The following EPB41L3 variants were observed in gnomAD, a reference collection of about 807,000 sequenced individuals.
EPB41L3 encodes the protein band 4.1-like protein 3.
EPB41L3 carries 57 observed loss-of-function variants against 127.1 expected under a neutral mutation model. That is an observed-to-expected ratio of 0.45 (90% CI 0.36 to 0.56). The LOEUF (loss-of-function observed/expected upper bound fraction) is 0.56. Among genes scored for constraint, EPB41L3 ranks in the 20% least tolerant of loss-of-function variants. EPB41L3 has a pLI of 0.00. For synonymous variants in EPB41L3, 572 were observed against 549.5 expected (o/e 1.04, Z -0.57); for missense variants, 1,273 against 1,372.2 (o/e 0.93, Z 1.14).
Position 5,433,164 on chromosome 18 carries a change from T to C in EPB41L3, c.912+305A>G, listed in dbSNP as rs541572180. Among the ~76,000 whole-genome samples the C allele has an allele frequency of 6.8e-4, 103 of 152,204 alleles. 1 individual carries two copies. Among genetic ancestry groups the C allele is most frequent in the African/African-American group, 2.4e-3 (99 of 41,522 alleles). ...ATGGGGAGGCAGGGTGAAGTAAAAGTCTGTTATGTCAAGGTAGGTTTCTAA... is the reference window on the plus strand; with the variant it reads ...ATGGGGAGGCAGGGTGAAGTAAAAGCCTGTTATGTCAAGGTAGGTTTCTAA... On this transcript the variant is annotated intron_variant, in intron 8 of 22. Transcript: ENST00000341928.
At chr18:5,508,543 G>A (rs1026657123) in intron 1 of EPB41L3, among the ~76,000 whole-genome samples, 2 of 151,972 alleles carry the variant, frequency 1.3e-5, no homozygotes, top group African/African-American at 4.8e-5. Context: ...CGAGGTGGGT[G>A]GATCACAAGG....
Position 5,540,312 on chromosome 18 carries a change from T to C in EPB41L3, c.-12+3601A>G, listed in dbSNP as rs1054373764. ...TTTTCCCATGCAGTCTTATATTCAT[T>C]TACACCTTTCAATTCTCCAAACAAT... On this transcript the variant is annotated intron_variant, in intron 1 of 22. Coordinates refer to ENST00000341928, the MANE Select transcript of EPB41L3 (RefSeq NM_012307.5). The C allele has an allele frequency of 1.5e-5, 15 of 977,798 alleles. No homozygotes were observed. In the African/African-American group the frequency reaches 2.6e-4, roughly 17 times the overall value. The allele number at this position is 977,798 out of a possible 1,614,324, so 60.6% of individuals were successfully genotyped here.
At position 5,407,192 on chromosome 18, in the gene EPB41L3, A is replaced by G. The variant is rs560096641; in HGVS notation, c.2158-224T>C. 6 of 546,602 alleles carry G rather than the reference A, an allele frequency of 1.1e-5. No homozygotes were observed. The South Asian group carries it at 1.5e-4, about 14-fold the overall frequency. The allele number at this position is 546,602 out of a possible 1,614,324, so 33.9% of individuals were successfully genotyped here. On this transcript the variant is annotated intron_variant, in intron 15 of 22. Coordinates refer to ENST00000341928, the MANE Select transcript of EPB41L3 (RefSeq NM_012307.5). ...CTAGTTCACACAAACATGGATACCA[A>G]AAGAATTTTAGAAGGCAAACTATAA...
At position 5,396,309 on chromosome 18, in the gene EPB41L3, G is replaced by T; in HGVS notation, c.2865C>A (p.Thr955=). 1 of 1,614,158 alleles carries T rather than the reference G, an allele frequency of 6.2e-7. No homozygotes were observed. The highest frequency in any genetic ancestry group is 8.5e-7 in the Non-Finnish European group (1 of 1,180,038). Residue 955 remains threonine, a synonymous_variant, in exon 19 of 23, where the codon ACC becomes ACA. Coordinates refer to ENST00000341928, the MANE Select transcript of EPB41L3 (RefSeq NM_012307.5). ...CCGGTGAAACACTGCCAAAACTGAT[G>T]GTTTCCGTCTTCACCGTTGAGGACT... ...HFESSTVKTE[T]ISFGSVSPGG...
chr18:5,397,946 C>T lies in EPB41L3; in HGVS notation c.2472+75G>A. ...AAAGCCAGCTGGATGCAACCACACA[C>T]TCACGCCCAAAAAAAGGGTAAGGAA... On this transcript the variant is annotated intron_variant, in intron 17 of 22. Transcript: ENST00000341928. This position sits in a 1 kb window ranked among gnomAD's most constrained non-coding sequence, Gnocchi z 4.1. 1 of 1,593,434 alleles carries T rather than the reference C, an allele frequency of 6.3e-7. No individual in the cohort carries two copies. Among genetic ancestry groups the T allele is most frequent in the South Asian group, 1.1e-5 (1 of 89,028 alleles).
intron 3 of EPB41L3, among the ~76,000 whole-genome samples, chr18:5,569,532 T>A (rs1294064182): frequency 1.3e-5 from 2 of 152,112 alleles, no homozygotes; most frequent in Non-Finnish European, 2.9e-5. Flanking sequence ...ATGAGAAAGG[T>A]ACAAATTCAT....
At chr18:5,417,434 G>T (rs1229156427) in intron 12 of EPB41L3, among the ~76,000 whole-genome samples, 1 of 152,130 alleles carries the variant, frequency 6.6e-6, no homozygotes. Flanking sequence ...GGGGAGGAAG[G>T]AAAGCACGCA....
intron 1 of EPB41L3, among the ~76,000 whole-genome samples, chr18:5,514,947 T>C (rs2092693507): frequency 6.6e-6 from 1 of 152,194 alleles, no homozygotes; most frequent in Admixed American, 6.5e-5. Flanking sequence ...TAAAACACAA[T>C]TCTGACCTAT....
chr18:5,544,445 TTGG>T (rs1373799700), upstream of EPB41L3: 3 of 443,976 alleles, frequency 6.8e-6, no homozygotes, highest in Non-Finnish European at 8.9e-6. Flanking sequence ...TAAAATCAAG[TTGG>T]TGGTGTCTTC....
At chr18:5,406,248 CTT>C (rs1379383740) in intron 16 of EPB41L3, among the ~76,000 whole-genome samples, 1 of 151,908 alleles carries the variant, frequency 6.6e-6, no homozygotes, top group African/African-American at 2.4e-5. Context: ...AAGACACTGT[CTT>C]AAAAACAAAA....
At position 5,416,050 on chromosome 18, in the gene EPB41L3, G is replaced by A. The variant is rs2076769229; in HGVS notation, c.1835C>T (p.Ser612Phe). ...DDGYLSFPNL[S>F]ETNLLPQSLQ... ...GCTCTGGGGCAGGAGGTTGGTTTCA[G>A]AAAGGTTGGGGAAAGAGAGGTATCC... The change falls in exon 13 of 23, where the codon TCT (serine) becomes TTT (phenylalanine). Residue 612 changes from serine to phenylalanine, a missense_variant. Ser to Phe is a radical substitution (Grantham distance 155). Transcript: ENST00000341928. The A allele has an allele frequency of 6.2e-7, 1 of 1,613,778 alleles. No individual in the cohort carries two copies. Among genetic ancestry groups the A allele is most frequent in the African/African-American group, 1.3e-5 (1 of 74,914 alleles).
At chr18:5,500,215 G>A (rs551067821) in intron 1 of EPB41L3, among the ~76,000 whole-genome samples, 2 of 152,238 alleles carry the variant, frequency 1.3e-5, no homozygotes, top group South Asian at 2.1e-4. Context: ...AAAGAGGAGA[G>A]AGAAAAAGGT....
In EPB41L3 at chr18:5,428,293, G is replaced by A. The variant is rs1253220985; in HGVS notation, c.1065+20C>T. The stretch of plus-strand genomic sequence containing the variant: ...AGGGATCTTTCCTCCCAACGCACAG[G>A]CAAATGTGGGTATACTTACCTCTCC... On this transcript the variant is annotated intron_variant, in intron 9 of 22. Transcript: ENST00000341928. The A allele has an allele frequency of 6.2e-7, 1 of 1,613,246 alleles. No homozygotes were observed. The highest frequency in any genetic ancestry group is 1.3e-5 in the African/African-American group (1 of 74,998).
chr18:5,607,399 CAGTCG>C (rs1298488783), intron 3 of EPB41L3, among the ~76,000 whole-genome samples: 1 of 152,180 alleles, frequency 6.6e-6, no homozygotes, highest in Non-Finnish European at 1.5e-5. Context: ...CTACACTTGA[CAGTCG>C]AGTTCCTTGA....
chr18:5,412,262 A>C (rs903327723), intron 13 of EPB41L3, among the ~76,000 whole-genome samples: 29 of 151,934 alleles, frequency 1.9e-4, no homozygotes, highest in African/African-American at 6.8e-4. Context: ...CAGTAGCACA[A>C]TCTTGGCTCA....
chr18:5,489,986 C>T (rs2090395289), intron 1 of EPB41L3, among the ~76,000 whole-genome samples: 1 of 152,218 alleles, frequency 6.6e-6, no homozygotes, highest in African/African-American at 2.4e-5. Context: ...TGAACATCTT[C>T]CCAAAGATTG....
chr18:5,590,747 T>A lies in EPB41L3; in HGVS notation c.-306+21593A>T, dbSNP rs546907405. Among the ~76,000 whole-genome samples the A allele has an allele frequency of 2.0e-5, 3 of 152,226 alleles. No homozygotes were observed. In the East Asian group the frequency reaches 5.8e-4, roughly 29 times the overall value. ...AATAAAAAGAAACATAATTGATACATGCAACAACTTGCATGAATCTCAAAG... is the reference window on the plus strand; with the variant it reads ...AATAAAAAGAAACATAATTGATACAAGCAACAACTTGCATGAATCTCAAAG... On this transcript the variant is annotated intron_variant, in intron 3 of 21. Transcript: ENST00000545076.
chr18:5,478,930 T>G (rs1479549361), intron 2 of EPB41L3, among the ~76,000 whole-genome samples: 1 of 152,242 alleles, frequency 6.6e-6, no homozygotes, highest in Non-Finnish European at 1.5e-5. Flanking sequence ...TTCAGTACTT[T>G]TACAACTGTT....
chr18:5,548,125 C>A (rs190222341), upstream of EPB41L3, among the ~76,000 whole-genome samples: 1 of 152,298 alleles, frequency 6.6e-6, no homozygotes. Flanking sequence ...TGTCAGGCAC[C>A]TGAATTGCAT....
Sources: allele counts gnomAD v4.1 joint callset (sites outside exome capture counted in the v4.1 genomes callset), GRCh38; gene constraint gnomAD v4.1.1; non-coding constraint Gnocchi (gnomAD v3.1); transcripts MANE v1.5; gene names NCBI Gene and HGNC (gene_info 2026-07-23, HGNC 2026-07-21).